STAB2: variants seen among roughly 807,000 people sequenced by gnomAD.
STAB2 encodes the protein stabilin-2.
Under a neutral mutation model 338.1 loss-of-function variants are expected in STAB2, and 288 were observed. That is an observed-to-expected ratio of 0.85 (90% CI 0.77 to 0.94). STAB2 has a LOEUF of 0.94. STAB2 is among the 40% of genes least tolerant of loss of function. The pLI is 0.00. For missense variants in STAB2, 3,141 were observed against 3,210.1 expected (o/e 0.98, Z 0.52); for synonymous variants, 1,202 against 1,193.3 (o/e 1.01, Z -0.15).
chr12:103,746,394 A>T (rs148733535), intron 57 of STAB2: 282 of 537,258 alleles, frequency 5.2e-4, no homozygotes, highest in African/African-American at 4.9e-3. Flanking sequence ...TGCAGAGATC[A>T]TGTCTTACTA....
chr12:103,713,625 CTG>C lies in STAB2; in HGVS notation c.4412-14_4412-13del, dbSNP rs145091256. 940 of 1,613,304 alleles carry C rather than the reference CTG, an allele frequency of 5.8e-4. 2 individuals carry two copies. In the East Asian group the frequency reaches 0.02, roughly 34 times the overall value. On this transcript the variant is annotated splice_polypyrimidine_tract_variant and intron_variant, in intron 41 of 68. Transcript: ENST00000388887. ...TTGCCCTTCCCTCTCCCCTTCTGCTCTGTGTCATCTTCTATAGCAATCAATGC... is the reference window on the plus strand; with the variant it reads ...TTGCCCTTCCCTCTCCCCTTCTGCTCTGTCATCTTCTATAGCAATCAATGC...
chr12:103,693,340 G>A (rs1878119291), intron 31 of STAB2, among the ~76,000 whole-genome samples: 1 of 152,064 alleles, frequency 6.6e-6, no homozygotes, highest in Non-Finnish European at 1.5e-5. Context: ...GGAAGGCTGA[G>A]GCAGGAGGAT....
Position 103,624,303 on chromosome 12 carries a change from T to C in STAB2, c.487+2192T>C, listed in dbSNP as rs531295086. 3.1e-4 allele frequency among the ~76,000 whole-genome samples: 47 copies of C among 152,224 alleles called. No homozygotes were observed. In the South Asian group the frequency reaches 3.7e-3, roughly 12 times the overall value. On this transcript the variant is annotated intron_variant, in intron 5 of 68. Transcript: ENST00000388887. ...GTTTTTGGATGAATACATGAGTGAG[T>C]GAGTATATGACTAGGTGAATCAATG...
At chr12:103,722,361 C>T (rs1880837036) in intron 44 of STAB2, among the ~76,000 whole-genome samples, 2 of 152,144 alleles carry the variant, frequency 1.3e-5, no homozygotes, top group Non-Finnish European at 1.5e-5. Context: ...TGAGATGTCA[C>T]CTATGTTGAG....
At chr12:103,738,897 C>T (rs908406442) in intron 53 of STAB2, among the ~76,000 whole-genome samples, 1 of 152,158 alleles carries the variant, frequency 6.6e-6, no homozygotes, top group Admixed American at 6.6e-5. Context: ...AGAACAAAAC[C>T]ACGGAGCTAA....
In STAB2 at chr12:103,683,210, G is replaced by C; in HGVS notation, c.2811G>C (p.Glu937Asp). Reference sequence around the variant, plus strand: ...CTCTGTTCTTAAAATTATAGAATGAGTGTGAGTGCAAGAAAGGATTTCGAG... The same window carrying C: ...CTCTGTTCTTAAAATTATAGAATGACTGTGAGTGCAAGAAAGGATTTCGAG... ...SCLYVGPGQN[E>D]CECKKGFRGN... Residue 937 changes from glutamate to aspartate, a missense_variant, in exon 26 of 69, where the codon GAG becomes GAC. Transcript: ENST00000388887. 1 of 1,612,434 alleles carries C rather than the reference G, an allele frequency of 6.2e-7. No individual in the cohort carries two copies. The highest frequency in any genetic ancestry group is 8.5e-7 in the Non-Finnish European group (1 of 1,179,388).
At chr12:103,682,969 T>C (rs902091686) in intron 25 of STAB2, among the ~76,000 whole-genome samples, 3 of 152,018 alleles carry the variant, frequency 2.0e-5, no homozygotes, top group Admixed American at 2.0e-4. Context: ...AATAAATATA[T>C]AAATAAATTC....
At chr12:103,614,438 G>A (rs1259603452) in intron 3 of STAB2, among the ~76,000 whole-genome samples, 2 of 152,174 alleles carry the variant, frequency 1.3e-5, no homozygotes, top group Non-Finnish European at 2.9e-5. Flanking sequence ...TCTAGCCACT[G>A]GAGGCTATAC....
chr12:103,737,455 G>A (rs893125821), intron 52 of STAB2, among the ~76,000 whole-genome samples, 179 bp from the exon 53 acceptor site: 3 of 152,136 alleles, frequency 2.0e-5, no homozygotes, highest in African/African-American at 7.2e-5. Context: ...CATAATACAA[G>A]CTGGGTATTT....
chr12:103,692,700 C>A (rs1878053461), intron 30 of STAB2, 112 bp from the exon 31 acceptor site: 2 of 800,802 alleles, frequency 2.5e-6, no homozygotes, highest in Non-Finnish European at 4.0e-6. Flanking sequence ...TGGGTCTTGG[C>A]CCAAAAGTAT....
At chr12:103,693,211 T>C (rs1878107544) in intron 31 of STAB2, among the ~76,000 whole-genome samples, 2 of 152,084 alleles carry the variant, frequency 1.3e-5, no homozygotes, top group African/African-American at 4.8e-5. Context: ...CCTAGCATTT[T>C]GGGAGTCTGA....
Position 103,737,594 on chromosome 12 carries a change from C to T in STAB2, c.5551-40C>T, listed in dbSNP as rs1188638638. 8 of 1,393,878 alleles carry T rather than the reference C, an allele frequency of 5.7e-6. No homozygotes were observed. In the South Asian group the frequency reaches 8.1e-5, roughly 14 times the overall value. 86.3% of individuals were successfully genotyped at this position (1,393,878 alleles called of 1,614,324 possible). On this transcript the variant is annotated intron_variant, in intron 52 of 68. Coordinates refer to ENST00000388887, the MANE Select transcript of STAB2 (RefSeq NM_017564.10). The stretch of plus-strand genomic sequence containing the variant: ...ACTGTTTCTCTCTCTCTCTCTCTCT[C>T]TCTCTCTTTCTCTTTTTTTTTTTTT...
intron 56 of STAB2, among the ~76,000 whole-genome samples, chr12:103,743,172 G>A (rs1014213193): frequency 4.6e-5 from 7 of 151,824 alleles, no homozygotes; most frequent in African/African-American, 7.3e-5. Flanking sequence ...ACAGGCGCCC[G>A]CCACCACACC....
At chr12:103,664,097 C>A (rs1040350863) in intron 18 of STAB2, among the ~76,000 whole-genome samples, 17 of 104,148 alleles carry the variant, frequency 1.6e-4, no homozygotes, top group African/African-American at 4.6e-4. Flanking sequence ...TCCATAGCAA[C>A]TTTTTGGCTC....
intron 19 of STAB2, among the ~76,000 whole-genome samples, chr12:103,668,190 C>G (rs78913932): frequency 0.015 from 2,281 of 152,304 alleles, 72 homozygotes; most frequent in African/African-American, 0.052. Flanking sequence ...GCATATAAAT[C>G]TGCCCCACTC....
At chr12:103,669,451 A>T in intron 20 of STAB2, 90 bp from the exon 21 acceptor site, 1 of 1,128,904 alleles carries the variant, frequency 8.9e-7, no homozygotes, top group Non-Finnish European at 1.3e-6. Context: ...AATATGGCTT[A>T]GTATAATAAT....
At chr12:103,683,341 A>AC (rs1478150765) in intron 26 of STAB2, 41 bp downstream of exon 26, 6 of 1,518,350 alleles carry the variant, frequency 4.0e-6, no homozygotes, top group Non-Finnish European at 5.4e-6. Flanking sequence ...TAAAAAAAAA[A>AC]AAAAAACAAT....
rs1200091289 is a variant in STAB2, at chr12:103,766,403, A to AC, written c.*69dup. ...GGGCCATCAACTGTGAATTCTCAGC[A>AC]CCAGTTGCCTTTTAGGAACGTAAAG... On this transcript the variant is annotated 3_prime_UTR_variant, in exon 69 of 69. Transcript: ENST00000388887. 2.0e-6 allele frequency: 3 copies of AC among 1,536,764 alleles called. No individual in the cohort carries two copies. In the African/African-American group the frequency reaches 4.1e-5, roughly 21 times the overall value.
At chr12:103,687,165 T>C (rs1289415131) in intron 27 of STAB2, among the ~76,000 whole-genome samples, 1 of 152,220 alleles carries the variant, frequency 6.6e-6, no homozygotes, top group Non-Finnish European at 1.5e-5. Flanking sequence ...CATATATTAA[T>C]GCACTTAATT....
Sources: allele counts gnomAD v4.1 joint callset (sites outside exome capture counted in the v4.1 genomes callset), GRCh38; gene constraint gnomAD v4.1.1; transcripts MANE v1.5; gene names NCBI Gene and HGNC (gene_info 2026-07-23, HGNC 2026-07-21).